ZNF236: variants seen among roughly 807,000 people sequenced by gnomAD.
The protein encoded by ZNF236 is regulated by glucose.
A neutral mutation model predicts 191.2 loss-of-function variants in ZNF236; 50 were observed. The ratio of observed to expected loss-of-function variants is 0.26; its 90% confidence interval spans 0.21 to 0.33. The LOEUF is 0.33. Ranked by LOEUF, ZNF236 falls within the 10% of genes least tolerant of loss-of-function variation. The pLI, the probability that ZNF236 is intolerant of heterozygous loss-of-function variation, is 1.00. For missense variants in ZNF236, 1,754 were observed against 2,374.5 expected (o/e 0.74, Z 5.43); for synonymous variants, 907 against 928.8 (o/e 0.98, Z 0.43).
At chr18:76,828,501 G>C (rs1041504460) in intron 1 of ZNF236, among the ~76,000 whole-genome samples, 3 of 152,186 alleles carry the variant, frequency 2.0e-5, no homozygotes, top group African/African-American at 7.2e-5. Flanking sequence ...GAGGCAGCCA[G>C]AGCTGTAATC....
At chr18:76,839,326 C>A (rs1400020797) in intron 1 of ZNF236, among the ~76,000 whole-genome samples, 1 of 152,074 alleles carries the variant, frequency 6.6e-6, no homozygotes, top group Non-Finnish European at 1.5e-5. Context: ...GTGGCTATAG[C>A]AATTTTCATG....
chr18:76,896,093 C>T (rs546005954), intron 10 of ZNF236, among the ~76,000 whole-genome samples: 6 of 150,990 alleles, frequency 4.0e-5, no homozygotes, highest in South Asian at 2.1e-4. Flanking sequence ...ATACAGGTAC[C>T]GCACACAGTT....
chr18:76,850,279 G>C (rs1975821045), intron 2 of ZNF236, among the ~76,000 whole-genome samples: 1 of 152,152 alleles, frequency 6.6e-6, no homozygotes, highest in Non-Finnish European at 1.5e-5. Flanking sequence ...AGCCATTTGA[G>C]ACTGGAAAAA....
chr18:76,951,032 G>A (rs1388460052), intron 27 of ZNF236, among the ~76,000 whole-genome samples: 1 of 152,230 alleles, frequency 6.6e-6, no homozygotes, highest in South Asian at 2.1e-4. Context: ...GGTCTCAGCA[G>A]TGGGCTTAAA....
intron 27 of ZNF236, among the ~76,000 whole-genome samples, chr18:76,953,568 CTCACTCT>C (rs1968458266): frequency 6.6e-6 from 1 of 152,224 alleles, no homozygotes; most frequent in African/African-American, 2.4e-5. Context: ...TCTGTCTTAT[CTCACTCT>C]TCATGTCTGA....
chr18:76,834,476 A>C, intron 1 of ZNF236: 1 of 389,824 alleles, frequency 2.6e-6, no homozygotes, highest in Non-Finnish European at 5.0e-6. Context: ...TTGCCCTTTT[A>C]CTTTTCTACT....
At position 76,960,979 on chromosome 18, in the gene ZNF236, G is replaced by A. The variant is rs771205942; in HGVS notation, c.5419+124G>A. On this transcript the variant is annotated intron_variant, in intron 30 of 30. Coordinates refer to ENST00000320610, the MANE Select transcript of ZNF236 (RefSeq NM_001306089.2). The surrounding 1 kb of genome is among the most constrained non-coding windows in gnomAD (Gnocchi z 4.4). ...CATTGCACGTGGTACAGCCTCAGTTGTGTGGACTGGAAGCTTGTGCTTTAT... is the reference window on the plus strand; with the variant it reads ...CATTGCACGTGGTACAGCCTCAGTTATGTGGACTGGAAGCTTGTGCTTTAT... 9.5e-7 allele frequency: 1 copy of A among 1,050,820 alleles called. No homozygotes were observed. Among genetic ancestry groups the A allele is most frequent in the Non-Finnish European group, 1.3e-6 (1 of 747,144 alleles). The allele number at this position is 1,050,820 out of a possible 1,614,324, so 65.1% of individuals were successfully genotyped here. A position where few individuals can be genotyped will look rare whatever the true frequency, so the allele number is the denominator to read the frequency against.
chr18:76,882,674 G>T (rs1976932077), intron 9 of ZNF236, among the ~76,000 whole-genome samples: 1 of 152,126 alleles, frequency 6.6e-6, no homozygotes, highest in Non-Finnish European at 1.5e-5. Flanking sequence ...ACATGATTCT[G>T]AAGTTCTTGT....
At chr18:76,938,576 C>T (rs921991464) in intron 26 of ZNF236, among the ~76,000 whole-genome samples, 1 of 152,242 alleles carries the variant, frequency 6.6e-6, no homozygotes, top group Non-Finnish European at 1.5e-5. Flanking sequence ...GGTGAAATAG[C>T]AGCATTTCCT....
chr18:76,827,889 G>C (rs1975061043), intron 1 of ZNF236, among the ~76,000 whole-genome samples: 1 of 152,070 alleles, frequency 6.6e-6, no homozygotes, highest in South Asian at 2.1e-4. Context: ...TTGGAATCTT[G>C]TATGATTTCC....
intron 1 of ZNF236, among the ~76,000 whole-genome samples, chr18:76,839,185 A>G (rs1192969807): frequency 2.0e-5 from 3 of 152,164 alleles, no homozygotes; most frequent in Non-Finnish European, 4.4e-5. Flanking sequence ...GCTACTGTGA[A>G]TGTTTAAACA....
intron 6 of ZNF236, among the ~76,000 whole-genome samples, chr18:76,876,560 A>C (rs973016641): frequency 6.6e-6 from 1 of 152,214 alleles, no homozygotes; most frequent in Non-Finnish European, 1.5e-5. Flanking sequence ...TGAGAAAAAA[A>C]CCCTGCACAT....
intron 1 of ZNF236, chr18:76,840,784 T>TGTGTGTGTGTGTGCGC (rs1555685343): frequency 1.2e-3 from 179 of 146,056 alleles, no homozygotes; most frequent in African/African-American, 4.2e-3. Flanking sequence ...CCTGTGTGTG[T>TGTGTGTGTGTGTGCGC]GTGTGTGTGT....
Position 76,910,173 on chromosome 18 carries a change from A to G in ZNF236, c.2653+4A>G. ...GAACCAGCAGGGCTACCCCAAGGTCAGTGGTGGGTTTTCAATGAAATTTGT... is the reference window on the plus strand; with the variant it reads ...GAACCAGCAGGGCTACCCCAAGGTCGGTGGTGGGTTTTCAATGAAATTTGT... On this transcript the variant is annotated splice_donor_region_variant and intron_variant, in intron 15 of 30. Coordinates refer to ENST00000320610, the MANE Select transcript of ZNF236 (RefSeq NM_001306089.2). The G allele has an allele frequency of 6.2e-7, 1 of 1,606,756 alleles. No individual in the cohort carries two copies. The highest frequency in any genetic ancestry group is 2.2e-5 in the East Asian group (1 of 44,696).
intron 26 of ZNF236, among the ~76,000 whole-genome samples, chr18:76,943,424 G>C (rs1462072533): frequency 6.6e-6 from 1 of 152,122 alleles, no homozygotes; most frequent in Non-Finnish European, 1.5e-5. Context: ...AGGTGTAAAC[G>C]TGCATGCAGA....
intron 3 of ZNF236, among the ~76,000 whole-genome samples, chr18:76,868,438 A>G (rs964991572): frequency 5.3e-5 from 8 of 152,218 alleles, no homozygotes; most frequent in African/African-American, 1.9e-4. Context: ...AATTGTGTCA[A>G]TCTCTCACCC....
At chr18:76,857,051 A>C (rs1428528513) in intron 3 of ZNF236, among the ~76,000 whole-genome samples, 1 of 151,634 alleles carries the variant, frequency 6.6e-6, no homozygotes, top group Non-Finnish European at 1.5e-5. Context: ...GCCTCCCCCT[A>C]GTTCCCACGT....
chr18:76,908,953 ATGTGTGTGTCTG>A (rs781486800), intron 14 of ZNF236, among the ~76,000 whole-genome samples: 1,567 of 117,290 alleles, frequency 0.013, 19 homozygotes, highest in Non-Finnish European at 0.016. Flanking sequence ...GTGTGTGTGT[ATGTGTGTGTCTG>A]TGTGTGTGTG....
intron 6 of ZNF236, among the ~76,000 whole-genome samples, chr18:76,877,125 G>A (rs1381263411): frequency 6.6e-6 from 1 of 152,182 alleles, no homozygotes; most frequent in Non-Finnish European, 1.5e-5. Context: ...TAGTAATAGA[G>A]AAAGAATATT....
Sources: allele counts gnomAD v4.1 joint callset (sites outside exome capture counted in the v4.1 genomes callset), GRCh38; gene constraint gnomAD v4.1.1; non-coding constraint Gnocchi (gnomAD v3.1); transcripts MANE v1.5; gene names NCBI Gene and HGNC (gene_info 2026-07-23, HGNC 2026-07-21).